BRWD1: variants seen among roughly 807,000 people sequenced by gnomAD.
BRWD1 encodes bromodomain and WD repeat-containing protein 1.
Under a neutral mutation model 251.2 loss-of-function variants are expected in BRWD1, and 82 were observed. That is an observed-to-expected ratio of 0.33 (90% CI 0.27 to 0.39). The LOEUF is 0.39. BRWD1 is among the 10% of genes least tolerant of loss of function. BRWD1 has a pLI of 1.00. For synonymous variants in BRWD1, 918 were observed against 902.8 expected, an observed-to-expected ratio of 1.02 and a Z score of -0.30; for missense variants, 2,233 against 2,711.6, an observed-to-expected ratio of 0.82 and a Z score of 3.92.
At chr21:39,247,600 G>T in intron 21 of BRWD1, 101 bp downstream of exon 21, 1 of 1,216,776 alleles carries the variant, frequency 8.2e-7, no homozygotes, top group Non-Finnish European at 1.1e-6. Flanking sequence ...TCTGCAGAAT[G>T]CTGTGTTTTC....
chr21:39,275,536 C>T (rs936260950), intron 12 of BRWD1, among the ~76,000 whole-genome samples: 1 of 152,098 alleles, frequency 6.6e-6, no homozygotes, highest in African/African-American at 2.4e-5. Flanking sequence ...TAAATACCTG[C>T]AATATACAAA....
At chr21:39,217,776 C>CTTCT (rs1174793793) in intron 31 of BRWD1, among the ~76,000 whole-genome samples, 12 of 152,170 alleles carry the variant, frequency 7.9e-5, no homozygotes, top group Non-Finnish European at 1.3e-4. Flanking sequence ...ATTAGAAAAA[C>CTTCT]AAACAACTGT....
At chr21:39,293,728 C>T (rs938840878) in intron 8 of BRWD1, 83 bp downstream of exon 8, 3 of 1,037,498 alleles carry the variant, frequency 2.9e-6, no homozygotes, top group Non-Finnish European at 1.4e-6. Context: ...ACACATCTTA[C>T]TATTTCTCAA....
rs780149897 is a variant in BRWD1 at position 39,277,119 on chromosome 21, TATAA to T, written c.1104+128_1104+131del. 7.8e-6 allele frequency: 4 copies of T among 515,578 alleles called. No homozygotes were observed. In the East Asian group the frequency reaches 9.9e-5, roughly 13 times the overall value. 31.9% of individuals were successfully genotyped at this position (515,578 alleles called of 1,614,324 possible). A position where few individuals can be genotyped will look rare whatever the true frequency, so the allele number is the denominator to read the frequency against. ...TTAAAACTTAATACCATCAAAAAGTTATAAATGACAGTTCATTTGTTCAACAGAA... is the reference window on the plus strand; with the variant it reads ...TTAAAACTTAATACCATCAAAAAGTTATGACAGTTCATTTGTTCAACAGAA... On this transcript the variant is annotated intron_variant, in intron 11 of 40. Transcript: ENST00000342449.
At chr21:39,252,053 G>A (rs1456574561) in intron 19 of BRWD1, among the ~76,000 whole-genome samples, 2 of 151,928 alleles carry the variant, frequency 1.3e-5, no homozygotes, top group Non-Finnish European at 2.9e-5. Context: ...GATCACCTGA[G>A]GTCAGGAGTT....
intron 29 of BRWD1, among the ~76,000 whole-genome samples, chr21:39,223,676 G>T (rs557506322): frequency 6.6e-6 from 1 of 152,266 alleles, no homozygotes; most frequent in South Asian, 2.1e-4. Context: ...TAGCACTGGA[G>T]GACAGGCTGG....
rs1568842258 is a variant in BRWD1 at position 39,187,265 on chromosome 21, T to C, written c.*8994A>G. The C allele has an allele frequency of 6.2e-7, 1 of 1,614,012 alleles. No individual in the cohort carries two copies. The highest frequency in any genetic ancestry group is 8.5e-7 in the Non-Finnish European group (1 of 1,179,926). On this transcript the variant is annotated 3_prime_UTR_variant, in exon 41 of 41. Transcript: ENST00000342449. The stretch of plus-strand genomic sequence containing the variant: ...TCTTTTAGATTACTCATTATCTTTA[T>C]TTTATTTGCAGCAACAGTAGCACAT...
intron 19 of BRWD1, among the ~76,000 whole-genome samples, chr21:39,252,697 C>T (rs1029344080): frequency 2.0e-5 from 3 of 152,128 alleles, no homozygotes; most frequent in Non-Finnish European, 4.4e-5. Context: ...TGCCGTTCTC[C>T]TTTTCTTCCT....
chr21:39,257,865 A>G (rs2034610973), intron 18 of BRWD1, among the ~76,000 whole-genome samples: 1 of 152,230 alleles, frequency 6.6e-6, no homozygotes, highest in Non-Finnish European at 1.5e-5. Context: ...ATCTAGGTAA[A>G]GAATATATGG....
chr21:39,313,597 G>T lies in BRWD1; in HGVS notation c.-106C>A, dbSNP rs2036599884. ...CCCCTCTTCTCAGGCGCGCGCCGCC[G>T]CCGCCGCCGCCGCCGCCATACCGTG... On this transcript the variant is annotated 5_prime_UTR_variant, in exon 1 of 41. Transcript: ENST00000342449. The T allele has an allele frequency of 2.4e-6, 2 of 838,246 alleles. No homozygotes were observed. 51.9% of individuals were successfully genotyped at this position (838,246 alleles called of 1,614,324 possible). A position where few individuals can be genotyped will look rare whatever the true frequency, so the allele number is the denominator to read the frequency against.
intron 11 of BRWD1, among the ~76,000 whole-genome samples, 188 bp from the exon 12 acceptor site, chr21:39,276,401 A>T (rs573537720): frequency 6.8e-4 from 104 of 152,358 alleles, no homozygotes; most frequent in African/African-American, 2.4e-3. Flanking sequence ...TAAGACTACT[A>T]AAATACAGCT....
chr21:39,189,171 A>C lies in BRWD1; in HGVS notation c.*7088T>G. On this transcript the variant is annotated 3_prime_UTR_variant, in exon 41 of 41. Transcript: ENST00000342449. ...GTAAACAAAAATTTTAAAATATGCA[A>C]AATTAAGGTGAAATTTGCACTTTAT... 1.0e-6 allele frequency: 1 copy of C among 984,832 alleles called. No individual in the cohort carries two copies. Among genetic ancestry groups the C allele is most frequent in the Non-Finnish European group, 1.2e-6 (1 of 829,344 alleles). The allele number at this position is 984,832 out of a possible 1,614,324, so 61.0% of individuals were successfully genotyped here. A position where few individuals can be genotyped will look rare whatever the true frequency, so the allele number is the denominator to read the frequency against.
intron 11 of BRWD1, 45 bp downstream of exon 11, chr21:39,277,206 A>G (rs749087001): frequency 7.3e-7 from 1 of 1,378,458 alleles, no homozygotes; most frequent in Non-Finnish European, 1.0e-6. Context: ...TAACAGGAAT[A>G]GTATTAACAA....
Position 39,238,497 on chromosome 21 carries a change from C to T in BRWD1, c.2558G>A (p.Ser853Asn). 2 of 1,613,068 alleles carry T rather than the reference C, an allele frequency of 1.2e-6. No homozygotes were observed. The highest frequency in any genetic ancestry group is 1.1e-5 in the South Asian group (1 of 91,054). ...DEWRSDRKSE[S>N]YSESSSDSSS... ...CAGATACCTTGAACTTTCGCTGTAA[C>T]TCTCACTTTTTCTGTCACTTCTCCA... The change falls in exon 22 of 41, where the codon AGT becomes AAT. Residue 853 changes from serine (S) to asparagine (N), a missense_variant. Ser to Asn is a conservative substitution (Grantham distance 46, BLOSUM62 1). This residue lies in a region of BRWD1 where 214 missense variants were observed against 222.0 expected (regional missense o/e 0.96). Coordinates refer to ENST00000342449, the MANE Select transcript of BRWD1 (RefSeq NM_033656.4).
chr21:39,258,090 C>A (rs1382276668), intron 18 of BRWD1, among the ~76,000 whole-genome samples: 1 of 152,172 alleles, frequency 6.6e-6, no homozygotes, highest in African/African-American at 2.4e-5. Context: ...GGACTCAACA[C>A]TGAAAACTCA....
Position 39,206,260 on chromosome 21 carries a change from G to C in BRWD1, c.4212C>G (p.Thr1404=). The stretch of plus-strand genomic sequence containing the variant: ...CTTCAAATAAGGCAGATAATCTCAA[G>C]GTCATACTATAAATCTGCAAGGATA... The part of the protein sequence containing the change: ...PNKRSKIYSM[T]LRLSALFEEK... The change falls in exon 37 of 41, where the codon ACC becomes ACG. Residue 1404 remains threonine (T), a synonymous_variant. Coordinates refer to ENST00000342449, the MANE Select transcript of BRWD1 (RefSeq NM_033656.4). The C allele has an allele frequency of 6.3e-7, 1 of 1,585,874 alleles. No individual in the cohort carries two copies.
chr21:39,315,135 T>C (rs1196405240), upstream of BRWD1, among the ~76,000 whole-genome samples: 2 of 152,078 alleles, frequency 1.3e-5, no homozygotes, highest in Admixed American at 6.5e-5. Context: ...TAGCTGGAAT[T>C]GCAGGCAAGC....
At chr21:39,246,098 A>AC (rs138286991) in intron 21 of BRWD1, among the ~76,000 whole-genome samples, 2,316 of 152,282 alleles carry the variant, frequency 0.015, 57 homozygotes, top group African/African-American at 0.053. Context: ...AAAAGACACC[A>AC]CCAAAGAAGT....
At position 39,186,995 on chromosome 21, in the gene BRWD1, T is replaced by C. The variant is rs1359542057; in HGVS notation, c.*9264A>G. The C allele has an allele frequency of 6.6e-7, 1 of 1,521,186 alleles. No individual in the cohort carries two copies. The highest frequency in any genetic ancestry group is 1.4e-5 in the South Asian group (1 of 73,484). 94.2% of individuals were successfully genotyped at this position (1,521,186 alleles called of 1,614,324 possible). A position where few individuals can be genotyped will look rare whatever the true frequency, so the allele number is the denominator to read the frequency against. ...CCAGTTTACTTGTGTACCAATTGTT[T>C]TCAGATGCCACTTCTACATTCTCAT... On this transcript the variant is annotated 3_prime_UTR_variant, in exon 41 of 41. Transcript: ENST00000342449.
Sources: gnomAD v4.1 joint callset for allele counts (sites outside exome capture counted in the v4.1 genomes callset) on GRCh38, gnomAD v4.1.1 for gene constraint, gnomAD v4.1.1 regional missense constraint, MANE v1.5 for transcripts, NCBI Gene and HGNC (gene_info 2026-07-23, HGNC 2026-07-21) for gene names.